Variants in DYTN observed in about 807,000 individuals in gnomAD.
DYTN encodes the protein dystrotelin.
A neutral mutation model predicts 69.6 loss-of-function variants in DYTN; 75 were observed. That is an observed-to-expected ratio of 1.08 (90% confidence interval 0.89 to 1.31). The LOEUF (loss-of-function observed/expected upper bound fraction) is 1.31, where lower values mean the gene tolerates loss of function less well. DYTN is among the 50% of genes most tolerant of loss of function. DYTN has a pLI of 0.00. For missense variants in DYTN, 726 were observed against 688.4 expected (o/e 1.05, Z -0.61); for synonymous variants, 252 against 249.1 (o/e 1.01, Z -0.11).
intron 8 of DYTN, among the ~76,000 whole-genome samples, chr2:206,693,951 C>A (rs190021974): frequency 1.4e-4 from 21 of 152,266 alleles, no homozygotes; most frequent in Admixed American, 6.5e-4. Flanking sequence ...TAAGGCAATG[C>A]CCACTGGAAA....
chr2:206,700,482 C>A (rs1159989305), intron 5 of DYTN, among the ~76,000 whole-genome samples: 1 of 152,082 alleles, frequency 6.6e-6, no homozygotes, highest in Non-Finnish European at 1.5e-5. Flanking sequence ...TAAACTGCTT[C>A]CTTCTGTTTT....
At position 206,718,358 on chromosome 2, in the gene DYTN, T is replaced by C; in HGVS notation, c.-79A>G. 1 of 1,510,202 alleles carries C rather than the reference T, an allele frequency of 6.6e-7. No individual in the cohort carries two copies. Among genetic ancestry groups the C allele is most frequent in the Non-Finnish European group, 9.0e-7 (1 of 1,109,490 alleles). 93.6% of individuals were successfully genotyped at this position (1,510,202 alleles called of 1,614,324 possible). On this transcript the variant is annotated 5_prime_UTR_variant, in exon 1 of 12. Transcript: ENST00000452335. Reference sequence around the variant, plus strand: ...GAACCAGTATTTTAAGCAGAAGGTTTTGCAGCAGAGGAATGAGGACAGGGG... The same window carrying C: ...GAACCAGTATTTTAAGCAGAAGGTTCTGCAGCAGAGGAATGAGGACAGGGG...
At chr2:206,675,115 A>ATGTGTGTGTGTGTGTG (rs757679127) in intron 9 of DYTN, among the ~76,000 whole-genome samples, 2 of 131,534 alleles carry the variant, frequency 1.5e-5, no homozygotes, top group African/African-American at 5.8e-5. Flanking sequence ...ATATATATAT[A>ATGTGTGTGTGTGTGTG]TGTGTGTGTG....
chr2:206,707,519 G>T lies in DYTN; in HGVS notation c.95-16C>A. On this transcript the variant is annotated splice_polypyrimidine_tract_variant and intron_variant, in intron 2 of 11. Transcript: ENST00000452335. The stretch of plus-strand genomic sequence containing the variant: ...ATCAAGTCCACTGTAGGAAGCAAAT[G>T]AAGAATTGAGCCTTATTTTCTGATG... 6.3e-7 allele frequency: 1 copy of T among 1,596,128 alleles called. No homozygotes were observed. The highest frequency in any genetic ancestry group is 8.5e-7 in the Non-Finnish European group (1 of 1,171,042).
At chr2:206,699,149 G>T (rs570878217) in intron 7 of DYTN, among the ~76,000 whole-genome samples, 2 of 152,334 alleles carry the variant, frequency 1.3e-5, no homozygotes, top group South Asian at 4.1e-4. Flanking sequence ...TGGAGCAAAA[G>T]ACAGGCCAAA....
chr2:206,691,905 T>C (rs1416708347), intron 9 of DYTN, among the ~76,000 whole-genome samples: 2 of 152,220 alleles, frequency 1.3e-5, no homozygotes, highest in Admixed American at 6.5e-5. Context: ...AACAAATGAA[T>C]ACCAATCTGA....
In DYTN at chr2:206,693,372, T is replaced by C. The variant is rs1699886014; in HGVS notation, c.832-49A>G. On this transcript the variant is annotated intron_variant, in intron 8 of 11. Transcript: ENST00000452335. ...AAAAAGCGTCAGATCAGTCTACGTG[T>C]GGTCTTCCTTCCTTACTTGGATGGA... The C allele has an allele frequency of 1.9e-6, 3 of 1,562,080 alleles. No individual in the cohort carries two copies. The South Asian group carries it at 3.5e-5, about 18-fold the overall frequency.
rs374016300 is a variant in DYTN at position 206,699,792 on chromosome 2, A to G, written c.654T>C (p.Ala218=). 69 of 1,613,784 alleles carry G rather than the reference A, an allele frequency of 4.3e-5. No individual in the cohort carries two copies. In the African/African-American group the frequency reaches 7.5e-4, roughly 17 times the overall value. Residue 218 remains alanine (A), a synonymous_variant, in exon 7 of 12, where the codon GCT becomes GCC. Transcript: ENST00000452335. The stretch of plus-strand genomic sequence containing the variant: ...GAGCAGGGTGAGTGACCCTTTCAGC[A>G]GCTGATAACCGGTGGCAGGTCGGGA... ...LWLPTCHRLS[A]AERVTHPARC...
rs114437626 is a variant in DYTN, at chr2:206,667,186, A to G, written c.981-1157T>C. ...ACAAAAGTCCTTACAGAGGTGGACA[A>G]GCCCCACAAAGACGGCACAGACCCC... On this transcript the variant is annotated intron_variant, in intron 9 of 11. Coordinates refer to ENST00000452335, the MANE Select transcript of DYTN (RefSeq NM_001093730.1). 6.1e-3 allele frequency among the ~76,000 whole-genome samples: 924 copies of G among 152,276 alleles called. 8 individuals carry two copies. The highest frequency in any genetic ancestry group is 0.021 in the African/African-American group (874 of 41,548).
intron 1 of DYTN, among the ~76,000 whole-genome samples, chr2:206,717,282 G>T (rs1197399372): frequency 6.6e-6 from 1 of 152,122 alleles, no homozygotes; most frequent in African/African-American, 2.4e-5. Flanking sequence ...AGATACTAAG[G>T]TGGATATAAT....
chr2:206,701,210 T>C (rs1445926618), intron 5 of DYTN: 1 of 152,214 alleles, frequency 6.6e-6, no homozygotes, highest in Non-Finnish European at 1.5e-5. Context: ...GAAAAACCTT[T>C]CCAAACACTT....
At chr2:206,668,621 C>G (rs1301026571) in intron 9 of DYTN, among the ~76,000 whole-genome samples, 2 of 152,174 alleles carry the variant, frequency 1.3e-5, no homozygotes, top group Non-Finnish European at 1.5e-5. Context: ...CATGTATTAA[C>G]TGTTCAAATG....
intron 11 of DYTN, 137 bp from the exon 12 acceptor site, chr2:206,652,058 C>T: frequency 1.4e-6 from 1 of 707,578 alleles, no homozygotes; most frequent in Non-Finnish European, 2.3e-6. Flanking sequence ...CTTAAGTTAG[C>T]CAGCAAATAA....
chr2:206,685,195 T>G (rs1699792467), intron 9 of DYTN, among the ~76,000 whole-genome samples: 1 of 151,466 alleles, frequency 6.6e-6, no homozygotes, highest in Admixed American at 6.6e-5. Context: ...TGAAACATTT[T>G]CACCCAGGCT....
At chr2:206,693,346 T>A (rs1296078553) in intron 8 of DYTN, 23 bp from the exon 9 acceptor site, 3 of 1,606,678 alleles carry the variant, frequency 1.9e-6, no homozygotes, top group African/African-American at 1.3e-5. Flanking sequence ...CCAACATTTT[T>A]AAAAAGCGTC....
At chr2:206,676,263 T>A (rs1228508647) in intron 9 of DYTN, among the ~76,000 whole-genome samples, 2 of 152,076 alleles carry the variant, frequency 1.3e-5, no homozygotes, top group Non-Finnish European at 2.9e-5. Context: ...AAAGAATGAG[T>A]TCATGTCCTT....
intron 1 of DYTN, among the ~76,000 whole-genome samples, chr2:206,716,899 A>G (rs1700135147): frequency 6.6e-6 from 1 of 152,128 alleles, no homozygotes; most frequent in South Asian, 2.1e-4. Flanking sequence ...GTTATGCTTT[A>G]CAGCGTCATC....
intron 9 of DYTN, among the ~76,000 whole-genome samples, chr2:206,691,552 CT>C (rs2105896858): frequency 6.6e-6 from 1 of 152,064 alleles, no homozygotes; most frequent in East Asian, 1.9e-4. Context: ...AAATAGCTGG[CT>C]TTAAGAATAA....
intron 9 of DYTN, among the ~76,000 whole-genome samples, chr2:206,690,786 A>C (rs1206309106): frequency 6.6e-6 from 1 of 152,230 alleles, no homozygotes; most frequent in East Asian, 1.9e-4. Context: ...ATAAATGTGT[A>C]GTTACAAACT....
Sources: allele counts gnomAD v4.1 joint callset (sites outside exome capture counted in the v4.1 genomes callset), GRCh38; gene constraint gnomAD v4.1.1; transcripts MANE v1.5; gene names NCBI Gene and HGNC (gene_info 2026-07-23, HGNC 2026-07-21).